MSN: variants seen among roughly 807,000 people sequenced by gnomAD.
The protein encoded by MSN is moesin.
A neutral mutation model predicts 48.0 loss-of-function variants in MSN; 2 were observed. The ratio of observed to expected loss-of-function variants is 0.04; its 90% CI spans 0.02 to 0.13. MSN has a LOEUF of 0.13. MSN is among the 10% of genes least tolerant of loss of function. The pLI is 1.00. For missense variants in MSN, 267 were observed against 470.1 expected (o/e 0.57, Z 3.99); for synonymous variants, 146 against 166.9 (o/e 0.87, Z 0.97).
chrX:65,614,703 CTT>C (rs552677489), intron 1 of MSN, among the ~76,000 whole-genome samples: 76 of 86,700 alleles, frequency 8.8e-4, no homozygotes, highest in African/African-American at 3.0e-3. Context: ...TTTATTTTTT[CTT>C]TTTTTTTTTT....
chrX:65,699,606 G>A (rs2071280532), intron 1 of MSN, among the ~76,000 whole-genome samples: 1 of 109,934 alleles, frequency 9.1e-6, no homozygotes, highest in African/African-American at 3.3e-5. Context: ...AAAAATAGCT[G>A]GGTGTGGTGG....
At chrX:65,689,214 C>G (rs770001072) in intron 1 of MSN, among the ~76,000 whole-genome samples, 1 of 111,554 alleles carries the variant, frequency 9.0e-6, no homozygotes, top group Non-Finnish European at 1.9e-5. Flanking sequence ...ATTTCCTGCT[C>G]TGAAACTCTG....
In MSN at chrX:65,684,912, A is replaced by G. The variant is rs145605465; in HGVS notation, c.12+17059A>G. On this transcript the variant is annotated intron_variant, in intron 1 of 12. Transcript: ENST00000360270. ...TTCTACCATGCCCAGTTATTTTTCT[A>G]TTTTTTGTATGGACAGGGTACTAGC... Among the ~76,000 whole-genome samples the G allele has an allele frequency of 5.9e-3, 650 of 110,426 alleles. 5 individuals are homozygous for G. The highest frequency in any genetic ancestry group is 8.3e-3 in the Non-Finnish European group (437 of 52,726).
At position 65,621,107 on chromosome X, in the gene MSN, G is replaced by A. The variant is rs774473181; in HGVS notation, c.-22+32495G>A. Among the ~76,000 whole-genome samples the A allele has an allele frequency of 3.6e-5, 4 of 110,150 alleles. No individual in the cohort carries two copies. The East Asian group carries it at 8.5e-4, about 23-fold the overall frequency. On this transcript the variant is annotated intron_variant, in intron 1 of 3. Transcript: ENST00000609672. ...ATTTTTTGTATTTTTAGTAGAGATG[G>A]GGTTTCACCGTGTTAGCCAGGATGG...
At chrX:65,615,300 A>G (rs1168205673) in intron 1 of MSN, among the ~76,000 whole-genome samples, 3 of 107,873 alleles carry the variant, frequency 2.8e-5, no homozygotes, top group African/African-American at 1.1e-4. Context: ...ACAACGGTTG[A>G]ACTAGTTTAC....
intron 1 of MSN, among the ~76,000 whole-genome samples, chrX:65,596,052 G>A (rs1391709866): frequency 9.0e-6 from 1 of 111,415 alleles, no homozygotes; most frequent in Non-Finnish European, 1.9e-5. Flanking sequence ...GAAACATAAT[G>A]TTAGGCATCT....
intron 8 of MSN, among the ~76,000 whole-genome samples, chrX:65,735,686 T>C (rs2071669548): frequency 8.9e-6 from 1 of 112,408 alleles, no homozygotes; most frequent in Admixed American, 9.4e-5. Context: ...GAAAACAATA[T>C]ATACATAACT....
chrX:65,625,165 T>A (rs1198717059), intron 1 of MSN: 2 of 112,721 alleles, frequency 1.8e-5, no homozygotes, highest in East Asian at 2.8e-4. Context: ...GTTTAAAAAA[T>A]TTATTGGGAC....
intron 1 of MSN, among the ~76,000 whole-genome samples, chrX:65,682,823 A>G (rs183170295): frequency 1.2e-4 from 13 of 112,555 alleles, no homozygotes; most frequent in Middle Eastern, 4.6e-3. Flanking sequence ...TAGCCAAACA[A>G]CAATTCCATT....
chrX:65,631,785 T>C (rs924926509), intron 1 of MSN, among the ~76,000 whole-genome samples: 4 of 111,704 alleles, frequency 3.6e-5, no homozygotes, highest in African/African-American at 1.3e-4. Flanking sequence ...AGTGATCCTC[T>C]CACCTCAGCC....
chrX:65,667,441 G>T (rs1210509514), upstream of MSN, among the ~76,000 whole-genome samples: 1 of 107,553 alleles, frequency 9.3e-6, no homozygotes, highest in Non-Finnish European at 1.9e-5. Flanking sequence ...GGTGGGAGAG[G>T]AGCCGGGTGG....
At chrX:65,612,865 T>TTG (rs1175794588) in intron 1 of MSN, among the ~76,000 whole-genome samples, 9 of 103,550 alleles carry the variant, frequency 8.7e-5, no homozygotes, top group African/African-American at 2.6e-4. Context: ...TTTTTTTTTT[T>TTG]GGGGGGGGGT....
At chrX:65,613,590 TG>T (rs2070340572) in intron 1 of MSN, among the ~76,000 whole-genome samples, 1 of 112,283 alleles carries the variant, frequency 8.9e-6, no homozygotes, top group Non-Finnish European at 1.9e-5. Flanking sequence ...GGTATCTCAT[TG>T]TGGTTTTGAT....
At chrX:65,689,477 G>A (rs1038806934) in intron 1 of MSN, among the ~76,000 whole-genome samples, 1 of 111,584 alleles carries the variant, frequency 9.0e-6, no homozygotes, top group Non-Finnish European at 1.9e-5. Context: ...AAGTGCCCTG[G>A]AGAGGTAGTT....
intron 1 of MSN, among the ~76,000 whole-genome samples, chrX:65,612,794 G>C (rs762502171): frequency 9.3e-6 from 1 of 107,331 alleles, no homozygotes; most frequent in East Asian, 2.9e-4. Context: ...TGATTCCCCC[G>C]CCTCAGCCTC....
chrX:65,626,448 T>C (rs981677354), intron 1 of MSN, among the ~76,000 whole-genome samples: 2 of 111,987 alleles, frequency 1.8e-5, no homozygotes, highest in African/African-American at 6.5e-5. Flanking sequence ...GTTTCGTTGA[T>C]TGTTGAAGGC....
intron 1 of MSN, among the ~76,000 whole-genome samples, chrX:65,641,557 TATATA>T (rs2070652275): frequency 7.0e-5 from 1 of 14,264 alleles, no homozygotes; most frequent in Non-Finnish European, 1.2e-4. Context: ...GAAGTATATA[TATATA>T]TATATATATA....
At chrX:65,692,383 T>G (rs1443503112) in intron 1 of MSN, among the ~76,000 whole-genome samples, 3 of 112,820 alleles carry the variant, frequency 2.7e-5, no homozygotes, top group African/African-American at 9.7e-5. Context: ...CTATTTTTTC[T>G]GCCAGTGCCT....
At chrX:65,702,445 C>A (rs1463425305) in intron 1 of MSN, among the ~76,000 whole-genome samples, 1 of 106,076 alleles carries the variant, frequency 9.4e-6, no homozygotes, top group Non-Finnish European at 1.9e-5. Context: ...GCGGTCGAAT[C>A]ACTTAAGGCC....
Sources: allele counts gnomAD v4.1 joint callset (sites outside exome capture counted in the v4.1 genomes callset), GRCh38; gene constraint gnomAD v4.1.1; transcripts MANE v1.5; gene names NCBI Gene and HGNC (gene_info 2026-07-23, HGNC 2026-07-21).